ZNF423: variants seen among roughly 807,000 people sequenced by gnomAD.
The protein encoded by ZNF423 is Ebf-associated zinc finger protein.
Under a neutral mutation model 95.8 loss-of-function variants are expected in ZNF423, and 12 were observed. The observed-to-expected ratio is 0.13, with a 90% CI of 0.08 to 0.20. The LOEUF is 0.20. ZNF423 is among the 10% of genes least tolerant of loss of function. ZNF423 has a pLI of 1.00. For missense variants in ZNF423, 1,316 were observed against 1,737.1 expected, an observed-to-expected ratio of 0.76 and a Z score of 4.31; for synonymous variants, 749 against 711.9, an observed-to-expected ratio of 1.05 and a Z score of -0.83.
At chr16:49,750,105 G>A (rs1194819534) in intron 2 of ZNF423, among the ~76,000 whole-genome samples, 1 of 152,216 alleles carries the variant, frequency 6.6e-6, no homozygotes, top group African/African-American at 2.4e-5. Context: ...GCAGGCAAGT[G>A]CAAGCTCACC....
chr16:49,714,957 G>T (rs1056889041), intron 3 of ZNF423, among the ~76,000 whole-genome samples: 3 of 152,050 alleles, frequency 2.0e-5, no homozygotes, highest in Non-Finnish European at 4.4e-5. Context: ...GGAGGGGAAG[G>T]CTTCTTTCCA....
chr16:49,848,999 A>T (rs933304918), intron 1 of ZNF423, among the ~76,000 whole-genome samples: 7 of 152,230 alleles, frequency 4.6e-5, no homozygotes, highest in South Asian at 2.1e-4. Flanking sequence ...GGGGGCAGGC[A>T]TCTAAAAAAT....
intron 1 of ZNF423, among the ~76,000 whole-genome samples, chr16:49,851,086 G>C (rs1244446521): frequency 6.6e-6 from 1 of 152,232 alleles, no homozygotes; most frequent in Non-Finnish European, 1.5e-5. Flanking sequence ...CTCAAAGACA[G>C]GGAAAGCACT....
At chr16:49,726,680 A>G (rs988649318) in intron 3 of ZNF423, among the ~76,000 whole-genome samples, 1 of 152,150 alleles carries the variant, frequency 6.6e-6, no homozygotes, top group African/African-American at 2.4e-5. Flanking sequence ...TGTCTCCATT[A>G]GGAACAGAGA....
Position 49,603,856 on chromosome 16 carries a change from C to CCCT in ZNF423, c.3601+22311_3601+22313dup, listed in dbSNP as rs1277990817. On this transcript the variant is annotated intron_variant, in intron 5 of 7. Transcript: ENST00000563137. This position sits in a 1 kb window ranked among gnomAD's most constrained non-coding sequence, Gnocchi z 4.1. ...TATACCAAAAGTAAGAAAATAGCCT[C>CCCT]CCTCCTTCCTCATCCTCCAAGCAGT... 1.3e-5 allele frequency among the ~76,000 whole-genome samples: 2 copies of CCCT among 152,198 alleles called. No individual in the cohort carries two copies. Among genetic ancestry groups the CCCT allele is most frequent in the Non-Finnish European group, 2.9e-5 (2 of 68,038 alleles).
chr16:49,627,505 C>T (rs944314733), intron 4 of ZNF423, among the ~76,000 whole-genome samples: 8 of 148,670 alleles, frequency 5.4e-5, no homozygotes, highest in African/African-American at 2.0e-4. Context: ...TATACATACC[C>T]ACCCATCCAC....
At chr16:49,501,916 A>G (rs1474992388) in intron 7 of ZNF423, among the ~76,000 whole-genome samples, 1 of 152,142 alleles carries the variant, frequency 6.6e-6, no homozygotes, top group African/African-American at 2.4e-5. Context: ...TTGAAAAACA[A>G]CCTATGAGGT....
chr16:49,497,699 G>C (rs1186316990), intron 7 of ZNF423, among the ~76,000 whole-genome samples: 3 of 152,230 alleles, frequency 2.0e-5, no homozygotes, highest in African/African-American at 4.8e-5. Context: ...TCACAAGGCT[G>C]GCTTTACAAC....
intron 5 of ZNF423, among the ~76,000 whole-genome samples, chr16:49,561,005 A>G (rs897551013): frequency 1.3e-5 from 2 of 152,262 alleles, no homozygotes; most frequent in African/African-American, 4.8e-5. Context: ...TTGGGAAAAC[A>G]CAGAGATGAT....
chr16:49,583,127 C>T (rs1028457879), intron 5 of ZNF423, among the ~76,000 whole-genome samples: 2 of 152,246 alleles, frequency 1.3e-5, no homozygotes, highest in Admixed American at 1.3e-4. Flanking sequence ...CACCTATGGA[C>T]CGCAATTTTG....
At chr16:49,621,491 G>A (rs768789120) in intron 5 of ZNF423, among the ~76,000 whole-genome samples, 19 of 152,216 alleles carry the variant, frequency 1.2e-4, no homozygotes, top group Non-Finnish European at 2.2e-4. Flanking sequence ...AGAGGCCCCC[G>A]CTATAAAAAG....
intron 2 of ZNF423, among the ~76,000 whole-genome samples, chr16:49,757,153 C>T (rs187281498): frequency 6.6e-6 from 1 of 152,336 alleles, no homozygotes; most frequent in East Asian, 1.9e-4. Flanking sequence ...CTCCTGTGTC[C>T]TCCACAACAA....
At chr16:49,623,219 C>T (rs937844420) in intron 5 of ZNF423, among the ~76,000 whole-genome samples, 39 of 152,256 alleles carry the variant, frequency 2.6e-4, no homozygotes, top group African/African-American at 8.2e-4. Context: ...GGCTCCAGGT[C>T]AGCTGACAGC....
At chr16:49,556,599 C>T (rs1285150668) in intron 5 of ZNF423, among the ~76,000 whole-genome samples, 3 of 152,208 alleles carry the variant, frequency 2.0e-5, no homozygotes, top group African/African-American at 7.2e-5. Flanking sequence ...TGCAGCCTCC[C>T]CCTACCCCTC....
At chr16:49,730,727 C>A (rs891484011) in intron 3 of ZNF423, 44 bp downstream of exon 3, 2 of 1,602,296 alleles carry the variant, frequency 1.2e-6, no homozygotes, top group Admixed American at 3.3e-5. Flanking sequence ...TGTCCAATTA[C>A]CCGTGTAACC....
intron 1 of ZNF423, chr16:49,853,838 C>T (rs2035327884): frequency 2.0e-6 from 2 of 985,348 alleles, no homozygotes; most frequent in African/African-American, 1.7e-5. Context: ...TGGGTCTCGC[C>T]GTCTAACGTA....
In ZNF423 at chr16:49,490,471, A is replaced by T. The variant is rs1009064221; in HGVS notation, c.*804T>A. On this transcript the variant is annotated 3_prime_UTR_variant, in exon 8 of 8. Transcript: ENST00000563137. ...GTTACTACGATTCTTTTCCAAGGGG[A>T]GCAGGGTCTATTGTGTGCAGGTCCC... The T allele has an allele frequency of 2.0e-5, 3 of 152,308 alleles. No individual in the cohort carries two copies. Among genetic ancestry groups the T allele is most frequent in the Admixed American group, 6.5e-5 (1 of 15,276 alleles). The allele number at this position is 152,308 out of a possible 1,614,324, so 9.4% of individuals were successfully genotyped here.
chr16:49,608,313 A>G (rs1971608280), intron 5 of ZNF423, among the ~76,000 whole-genome samples: 1 of 152,074 alleles, frequency 6.6e-6, no homozygotes, highest in Non-Finnish European at 1.5e-5. Flanking sequence ...AGAGGAGGGG[A>G]GGGGGAAGGA....
chr16:49,585,449 A>T (rs2151808325), intron 5 of ZNF423, among the ~76,000 whole-genome samples: 1 of 152,264 alleles, frequency 6.6e-6, no homozygotes, highest in East Asian at 1.9e-4. Context: ...ATTGTTACAC[A>T]GGCCTCGATG....
Sources: allele counts gnomAD v4.1 joint callset (sites outside exome capture counted in the v4.1 genomes callset), GRCh38; gene constraint gnomAD v4.1.1; non-coding constraint Gnocchi (gnomAD v3.1); transcripts MANE v1.5; gene names NCBI Gene and HGNC (gene_info 2026-07-23, HGNC 2026-07-21).